WFDC3: variants seen among roughly 807,000 people sequenced by gnomAD.
The protein encoded by WFDC3 is WAP four-disulfide core domain 3.
In WFDC3, 15 loss-of-function variants were observed where a neutral mutation model predicts 25.8. The ratio of observed to expected loss-of-function variants is 0.58; its 90% CI spans 0.39 to 0.89. WFDC3 has a LOEUF of 0.89. Among genes scored for constraint, WFDC3 ranks in the 40% least tolerant of loss-of-function variants. The probability of loss-of-function intolerance (pLI) is 0.00; values close to 1 mark genes in which losing one functional copy is unlikely to be tolerated. For synonymous variants in WFDC3, 103 were observed against 107.1 expected (o/e 0.96, Z 0.24); for missense variants, 264 against 289.8 (o/e 0.91, Z 0.65).
chr20:45,783,992 C>G (rs1980563972), intron 4 of WFDC3, among the ~76,000 whole-genome samples: 1 of 152,198 alleles, frequency 6.6e-6, no homozygotes, highest in Non-Finnish European at 1.5e-5. Context: ...GATCACTATT[C>G]TAGCCTGCCT....
At chr20:45,777,948 TG>T (rs1369555289) in intron 4 of WFDC3, among the ~76,000 whole-genome samples, 2 of 152,206 alleles carry the variant, frequency 1.3e-5, no homozygotes, top group Non-Finnish European at 2.9e-5. Flanking sequence ...ATTCTCCCTG[TG>T]GCAGACATTT....
intron 5 of WFDC3, 66 bp downstream of exon 5, chr20:45,777,009 G>A: frequency 6.2e-7 from 1 of 1,606,990 alleles, no homozygotes; most frequent in Non-Finnish European, 8.5e-7. Flanking sequence ...CTCCTCCCAG[G>A]AAGGGAAAGA....
chr20:45,791,566 GGA>G (rs1980994727), intron 1 of WFDC3, among the ~76,000 whole-genome samples: 1 of 152,066 alleles, frequency 6.6e-6, no homozygotes, highest in South Asian at 2.1e-4. Flanking sequence ...CAAAGTGCTG[GGA>G]TTACAGGCGT....
chr20:45,787,050 C>T (rs1473416833), intron 4 of WFDC3, among the ~76,000 whole-genome samples: 3 of 131,856 alleles, frequency 2.3e-5, no homozygotes, highest in African/African-American at 8.5e-5. Context: ...GCCAAGATCA[C>T]ACCACTGCAC....
intron 2 of WFDC3, 74 bp downstream of exon 2, chr20:45,789,820 G>A: frequency 7.4e-7 from 1 of 1,358,426 alleles, no homozygotes; most frequent in Non-Finnish European, 1.1e-6. Flanking sequence ...TCTGGGAGAA[G>A]GCAGGGGATG....
chr20:45,777,288 A>C lies in WFDC3; in HGVS notation c.359-79T>G. The stretch of plus-strand genomic sequence containing the variant: ...TTCATTGTGTCCCATGTGTATGTTT[A>C]TATATAGTTATATATTTATATACAT... On this transcript the variant is annotated intron_variant, in intron 4 of 6. Coordinates refer to ENST00000243938, the MANE Select transcript of WFDC3 (RefSeq NM_080614.2). 4.1e-6 allele frequency: 5 copies of C among 1,231,710 alleles called. No individual in the cohort carries two copies. In the South Asian group the frequency reaches 1.3e-4, roughly 31 times the overall value. The allele number at this position is 1,231,710 out of a possible 1,614,324, so 76.3% of individuals were successfully genotyped here.
At position 45,789,900 on chromosome 20, in the gene WFDC3, C is replaced by T; in HGVS notation, c.76G>A (p.Glu26Lys). 6.2e-7 allele frequency: 1 copy of T among 1,613,788 alleles called. No individual in the cohort carries two copies. The highest frequency in any genetic ancestry group is 1.1e-5 in the South Asian group (1 of 91,062). Residue 26 changes from glutamate to lysine, a missense_variant, in exon 2 of 7, where the codon GAA (glutamate) becomes AAA (lysine). Transcript: ENST00000243938. ...ATCCCAAATGATAGCTCACCATGTT[C>T]TCCTGCAGTTATCCAGGATTCCAGA... ...GSLESWITAG[E>K]HAKEGECPPH...
intron 6 of WFDC3, 122 bp downstream of exon 6, chr20:45,775,295 A>C (rs995977348): frequency 1.4e-5 from 19 of 1,347,888 alleles, no homozygotes; most frequent in Non-Finnish European, 1.9e-5. Context: ...CATCTGGGAC[A>C]TAGGTTCTTT....
At chr20:45,790,724 C>CAA (rs773835512) in intron 1 of WFDC3, among the ~76,000 whole-genome samples, 2 of 104,402 alleles carry the variant, frequency 1.9e-5, no homozygotes, top group African/African-American at 3.6e-5. Flanking sequence ...GACTCTGTCT[C>CAA]AAAAAAAAAA....
rs1399378179 is a variant in WFDC3, at chr20:45,776,291, T to TGC, written c.494-690_494-689insGC. On this transcript the variant is annotated intron_variant, in intron 5 of 6. Transcript: ENST00000243938. ...ATGCTTTTATCTCTGTGTGTGTGTGTGTGTGTGTGTGTGTGTGTGTGTGTG... is the reference window on the plus strand; with the variant it reads ...ATGCTTTTATCTCTGTGTGTGTGTGTGCGTGTGTGTGTGTGTGTGTGTGTGTG... 3.0e-5 allele frequency among the ~76,000 whole-genome samples: 4 copies of TGC among 134,678 alleles called. 1 individual carries two copies. The highest frequency in any genetic ancestry group is 1.2e-4 in the African/African-American group (4 of 33,748). 88.4% of individuals were successfully genotyped at this position (134,678 alleles called of 152,430 possible). A position where few individuals can be genotyped will look rare whatever the true frequency, so the allele number is the denominator to read the frequency against.
At chr20:45,788,301 T>A in intron 3 of WFDC3, 1 of 165,188 alleles carries the variant, frequency 6.1e-6, no homozygotes, top group Non-Finnish European at 1.3e-5. Flanking sequence ...CGAAACTCCG[T>A]CTCAAAAAAA....
chr20:45,776,622 G>GAAAAAAAAAA (rs1226870114), intron 5 of WFDC3, among the ~76,000 whole-genome samples: 10 of 76,266 alleles, frequency 1.3e-4, no homozygotes, highest in South Asian at 5.1e-4. Context: ...AGAAAAAAAA[G>GAAAAAAAAAA]AAAAAAAAAA....
chr20:45,787,289 T>C (rs113629322), intron 4 of WFDC3, among the ~76,000 whole-genome samples: 1,995 of 114,084 alleles, frequency 0.017, 53 homozygotes, highest in African/African-American at 0.065. Flanking sequence ...TTTCTTTTTT[T>C]TTTTTTTTTT....
chr20:45,784,971 C>G (rs1444838044), intron 4 of WFDC3, among the ~76,000 whole-genome samples: 3 of 152,164 alleles, frequency 2.0e-5, no homozygotes, highest in Admixed American at 6.6e-5. Flanking sequence ...CTCCGACAAC[C>G]CAAACCTAGG....
Position 45,777,135 on chromosome 20 carries a change from G to C in WFDC3, c.433C>G (p.Gln145Glu), listed in dbSNP as rs151280575. The change falls in exon 5 of 7, where the codon CAG (glutamine) becomes GAG (glutamate). Residue 145 changes from glutamine to glutamate, a missense_variant. Gln to Glu is a conservative substitution (Grantham distance 29). Coordinates refer to ENST00000243938, the MANE Select transcript of WFDC3 (RefSeq NM_080614.2). ...CCGGTGCTGCAGCATTTATGCCCCT[G>C]GGGACAGGATGCATCCCCATCACAC... Reference protein sequence around the residue: ...ELCDGDASCPQGHKCCSTGCG... With the variant: ...ELCDGDASCPEGHKCCSTGCG... The C allele has an allele frequency of 6.0e-5, 96 of 1,611,204 alleles. No individual in the cohort carries two copies. The highest frequency in any genetic ancestry group is 3.2e-4 in the Admixed American group (19 of 59,636).
At chr20:45,787,698 TG>T in intron 4 of WFDC3, 137 bp downstream of exon 4, 1 of 1,175,344 alleles carries the variant, frequency 8.5e-7, no homozygotes. Context: ...TTATGGCTTG[TG>T]CACCCTTTGT....
At chr20:45,776,998 G>T in intron 5 of WFDC3, 77 bp downstream of exon 5, 1 of 1,603,078 alleles carries the variant, frequency 6.2e-7, no homozygotes, top group Non-Finnish European at 8.5e-7. Context: ...GAGAATCCTA[G>T]CTCCTCCCAG....
intron 4 of WFDC3, among the ~76,000 whole-genome samples, chr20:45,785,342 C>T (rs1236091961): frequency 2.0e-5 from 3 of 151,742 alleles, no homozygotes; most frequent in African/African-American, 4.8e-5. Context: ...TGGTGGCACA[C>T]GCCTGCAATC....
chr20:45,780,664 A>T (rs1022741343), intron 4 of WFDC3, among the ~76,000 whole-genome samples: 8 of 152,166 alleles, frequency 5.3e-5, no homozygotes, highest in Non-Finnish European at 7.3e-5. Flanking sequence ...CTATCACCAA[A>T]AAAGGAGTGA....
Sources: gnomAD v4.1 joint callset for allele counts (sites outside exome capture counted in the v4.1 genomes callset) on GRCh38, gnomAD v4.1.1 for gene constraint, MANE v1.5 for transcripts, NCBI Gene and HGNC (gene_info 2026-07-23, HGNC 2026-07-21) for gene names.